The following PPARGC1A variants were observed in gnomAD, a reference collection of about 807,000 sequenced individuals.
PPARGC1A encodes the protein PPARG coactivator 1 alpha.
In PPARGC1A, 25 loss-of-function variants were observed where a neutral mutation model predicts 88.7. The observed-to-expected ratio is 0.28, with a 90% CI of 0.21 to 0.39. The LOEUF is 0.39. Among genes scored for constraint, PPARGC1A ranks in the 10% least tolerant of loss-of-function variants. PPARGC1A has a pLI of 1.00. For synonymous variants in PPARGC1A, 363 were observed against 355.6 expected, an observed-to-expected ratio of 1.02 and a Z score of -0.24; for missense variants, 880 against 968.7, an observed-to-expected ratio of 0.91 and a Z score of 1.22.
At chr4:24,470,330 TCA>T in the PPARGC1A span, among the ~76,000 whole-genome samples, 1 of 88,508 alleles carries the variant, frequency 1.1e-5, no homozygotes, top group African/African-American at 3.9e-5. This position sits in a 1 kb window ranked among gnomAD's most constrained non-coding sequence, Gnocchi z 5.8. Flanking sequence ...ACACACTCTC[TCA>T]CACAGGCAGG....
the PPARGC1A span, among the ~76,000 whole-genome samples, chr4:23,965,931 T>G: frequency 6.6e-6 from 1 of 152,172 alleles, no homozygotes; most frequent in East Asian, 1.9e-4. Context: ...ACAGTTTTTA[T>G]GGCAAATGCA....
At chr4:24,304,864 A>T in the PPARGC1A span, among the ~76,000 whole-genome samples, 164 of 152,306 alleles carry the variant, frequency 1.1e-3, no homozygotes, top group African/African-American at 3.8e-3. Context: ...GTCATGGGTT[A>T]TCGGCTTTTA....
chr4:23,911,314 A>G, the PPARGC1A span, among the ~76,000 whole-genome samples: 8 of 152,344 alleles, frequency 5.3e-5, no homozygotes, highest in East Asian at 1.5e-3. Context: ...TAATCAAAAT[A>G]GCATTTCCAC....
chr4:23,854,417 G>A (rs1479151359), intron 2 of PPARGC1A, among the ~76,000 whole-genome samples: 2 of 152,138 alleles, frequency 1.3e-5, no homozygotes, highest in Non-Finnish European at 2.9e-5. Context: ...GGGAAATGAA[G>A]GCACATCATC....
At chr4:24,009,725 G>A in the PPARGC1A span, among the ~76,000 whole-genome samples, 37 of 152,308 alleles carry the variant, frequency 2.4e-4, no homozygotes, top group African/African-American at 8.4e-4. Flanking sequence ...CAACATTGGA[G>A]TCTGCTTCGG....
At chr4:23,976,568 C>G in the PPARGC1A span, among the ~76,000 whole-genome samples, 1 of 152,142 alleles carries the variant, frequency 6.6e-6, no homozygotes, top group African/African-American at 2.4e-5. Context: ...TGTTGAAGTC[C>G]TAATCCCTAA....
the PPARGC1A span, among the ~76,000 whole-genome samples, chr4:23,985,591 A>T: frequency 5.4e-5 from 7 of 129,632 alleles, no homozygotes; most frequent in South Asian, 1.8e-3. Flanking sequence ...GCACATCCAT[A>T]AGCATTGTGA....
At chr4:23,934,023 G>T in the PPARGC1A span, among the ~76,000 whole-genome samples, 1 of 152,182 alleles carries the variant, frequency 6.6e-6, no homozygotes, top group African/African-American at 2.4e-5. Context: ...AAATGGAAAG[G>T]TCTCACTTGA....
At chr4:23,796,165 GCA>G (rs907357096) in intron 12 of PPARGC1A, among the ~76,000 whole-genome samples, 10 of 152,074 alleles carry the variant, frequency 6.6e-5, no homozygotes, top group Non-Finnish European at 1.5e-5. Context: ...GTTAGGCAGA[GCA>G]CACGTTAATA....
At chr4:24,194,661 CACACA>C in the PPARGC1A span, among the ~76,000 whole-genome samples, 1 of 19,694 alleles carries the variant, frequency 5.1e-5, no homozygotes, top group African/African-American at 1.1e-4. Context: ...CACACACACA[CACACA>C]CACCCCCATC....
the PPARGC1A span, among the ~76,000 whole-genome samples, chr4:24,306,523 T>C: frequency 6.6e-6 from 1 of 152,220 alleles, no homozygotes; most frequent in Non-Finnish European, 1.5e-5. Context: ...TCCAGCATAG[T>C]AGTACCTTAT....
At chr4:24,294,122 C>T in the PPARGC1A span, among the ~76,000 whole-genome samples, 6 of 152,166 alleles carry the variant, frequency 3.9e-5, no homozygotes, top group Non-Finnish European at 8.8e-5. Context: ...CGAGCTCATA[C>T]CAAAGCCGAG....
At chr4:24,437,319 C>T in the PPARGC1A span, among the ~76,000 whole-genome samples, 419 of 152,234 alleles carry the variant, frequency 2.8e-3, no homozygotes, top group Non-Finnish European at 4.8e-3. Flanking sequence ...CCAGTGGCCA[C>T]GTTAGCTGGG....
the PPARGC1A span, among the ~76,000 whole-genome samples, chr4:24,453,729 G>A: frequency 5.9e-5 from 9 of 151,988 alleles, no homozygotes; most frequent in Non-Finnish European, 1.3e-4. Flanking sequence ...GCAGTGAGCC[G>A]AGATCATGCC....
chr4:24,202,032 G>A, the PPARGC1A span, among the ~76,000 whole-genome samples: 8 of 151,928 alleles, frequency 5.3e-5, no homozygotes, highest in Non-Finnish European at 1.2e-4. Context: ...TTCCCAAACA[G>A]TTGGGACTAC....
At chr4:24,370,816 A>G in the PPARGC1A span, among the ~76,000 whole-genome samples, 4 of 123,032 alleles carry the variant, frequency 3.3e-5, no homozygotes, top group South Asian at 1.1e-3. Context: ...CAGAACATGC[A>G]GGTTTGTTAC....
the PPARGC1A span, among the ~76,000 whole-genome samples, chr4:24,438,361 T>C: frequency 6.6e-6 from 1 of 152,110 alleles, no homozygotes; most frequent in Non-Finnish European, 1.5e-5. Flanking sequence ...GAGGCGAGGG[T>C]ATGATACTAG....
the PPARGC1A span, among the ~76,000 whole-genome samples, chr4:24,286,139 C>CCA: frequency 1.4e-5 from 2 of 147,848 alleles, no homozygotes; most frequent in African/African-American, 5.0e-5. Flanking sequence ...GGGAAAATAC[C>CCA]CACTACGAAA....
the PPARGC1A span, among the ~76,000 whole-genome samples, chr4:24,272,595 T>G: frequency 1.3e-5 from 2 of 152,340 alleles, no homozygotes; most frequent in East Asian, 3.9e-4. Context: ...TTTCCACCCC[T>G]TTTTAAAATA....
Sources: allele counts gnomAD v4.1 joint callset (sites outside exome capture counted in the v4.1 genomes callset), GRCh38; gene constraint gnomAD v4.1.1; non-coding constraint Gnocchi (gnomAD v3.1); transcripts MANE v1.5; gene names NCBI Gene and HGNC (gene_info 2026-07-23, HGNC 2026-07-21).